SPAG16: variants seen among roughly 807,000 people sequenced by gnomAD.
SPAG16 encodes the protein sperm associated antigen 16, also known as sperm-associated antigen 16 protein.
A neutral mutation model predicts 80.4 loss-of-function variants in SPAG16; 86 were observed. The ratio of observed to expected loss-of-function variants is 1.07; its 90% confidence interval spans 0.90 to 1.28. SPAG16 has a LOEUF of 1.28. Among genes scored for constraint, SPAG16 ranks in the 50% most tolerant of loss-of-function variants. SPAG16 has a pLI of 0.00. For missense variants in SPAG16, 870 were observed against 765.3 expected (o/e 1.14, Z -1.61); for synonymous variants, 294 against 265.9 (o/e 1.11, Z -1.03).
chr2:213,669,683 C>T (rs2063745268), intron 10 of SPAG16, among the ~76,000 whole-genome samples: 2 of 152,168 alleles, frequency 1.3e-5, no homozygotes, highest in Admixed American at 6.5e-5. Context: ...GGAGTAAAAG[C>T]GCTTGGATTT....
At chr2:213,963,967 T>C (rs1427857233) in intron 12 of SPAG16, among the ~76,000 whole-genome samples, 1 of 152,160 alleles carries the variant, frequency 6.6e-6, no homozygotes, top group Non-Finnish European at 1.5e-5. Flanking sequence ...CTTGTTAATT[T>C]ATCCTTTCTG....
intron 9 of SPAG16, among the ~76,000 whole-genome samples, chr2:213,459,051 T>C (rs959596146): frequency 1.1e-4 from 16 of 152,308 alleles, no homozygotes; most frequent in African/African-American, 3.6e-4. Flanking sequence ...CCAATTTACA[T>C]TTTTGAAGAA....
At chr2:213,818,164 TAGC>T (rs772664384) in intron 10 of SPAG16, among the ~76,000 whole-genome samples, 3 of 152,084 alleles carry the variant, frequency 2.0e-5, no homozygotes, top group Non-Finnish European at 2.9e-5. Flanking sequence ...CTCATCAAAT[TAGC>T]AGGAAAGTTT....
intron 10 of SPAG16, among the ~76,000 whole-genome samples, chr2:213,709,320 A>G (rs1163448087): frequency 6.6e-6 from 1 of 152,178 alleles, no homozygotes; most frequent in Non-Finnish European, 1.5e-5. Context: ...CCTTTCTATA[A>G]TGTTTACATA....
chr2:214,013,940 T>C lies in SPAG16; in HGVS notation c.1401-11T>C. The C allele has an allele frequency of 6.2e-7, 1 of 1,611,886 alleles. No homozygotes were observed. Among genetic ancestry groups the C allele is most frequent in the Non-Finnish European group, 8.5e-7 (1 of 1,178,820 alleles). On this transcript the variant is annotated splice_polypyrimidine_tract_variant and intron_variant, in intron 12 of 15. Coordinates refer to ENST00000331683, the MANE Select transcript of SPAG16 (RefSeq NM_024532.5). ...ACTAACTCCTAAAATTCTTAATTTC[T>C]CTCTTTATAGTGAAAGATGCAGATG...
intron 5 of SPAG16, among the ~76,000 whole-genome samples, chr2:213,325,482 C>T (rs2063803027): frequency 1.3e-5 from 2 of 152,106 alleles, no homozygotes; most frequent in African/African-American, 2.4e-5. Flanking sequence ...CTTTAAGTCT[C>T]ATTTAATTTC....
intron 13 of SPAG16, among the ~76,000 whole-genome samples, chr2:214,065,756 C>T (rs1222261222): frequency 6.6e-6 from 1 of 152,024 alleles, no homozygotes; most frequent in African/African-American, 2.4e-5. Context: ...AAATAAGAAG[C>T]CCTCTCTGTA....
chr2:213,793,979 G>T (rs930725342), intron 10 of SPAG16, among the ~76,000 whole-genome samples: 1 of 152,036 alleles, frequency 6.6e-6, no homozygotes, highest in Non-Finnish European at 1.5e-5. Flanking sequence ...ATTTAACCAC[G>T]TCTTTTGTTC....
intron 10 of SPAG16, among the ~76,000 whole-genome samples, chr2:213,698,155 A>T (rs1165054537): frequency 1.3e-5 from 2 of 152,078 alleles, no homozygotes; most frequent in Non-Finnish European, 2.9e-5. Flanking sequence ...CACATTTTTA[A>T]AAAATTACAT....
In SPAG16 at chr2:213,930,030, ATT is replaced by A. The variant is rs2078678337; in HGVS notation, c.1288_1289del (p.Leu430AspfsTer3). 6.2e-7 allele frequency: 1 copy of A among 1,614,142 alleles called. No homozygotes were observed. Among genetic ancestry groups the A allele is most frequent in the Admixed American group, 1.7e-5 (1 of 60,018 alleles). On this transcript the variant is annotated frameshift_variant, in exon 12 of 16. Transcript: ENST00000331683. LOFTEE classifies it high-confidence loss of function. ...KLWDLCKGDCILTFEGHSRAV... is the reference protein window; with the variant it reads ...KLWDLCKGDCXLTFEGHSRAV... ...ATGGGATCTATGTAAAGGCGATTGC[ATT>A]TTGACCTTTGAAGGACACAGCCGCG...
At chr2:213,707,469 C>T (rs1371648805) in intron 10 of SPAG16, among the ~76,000 whole-genome samples, 2 of 152,134 alleles carry the variant, frequency 1.3e-5, no homozygotes, top group Non-Finnish European at 2.9e-5. Context: ...ATGGATTAGT[C>T]ACTTGGTTTT....
chr2:214,032,512 G>A (rs1176123458), intron 13 of SPAG16, among the ~76,000 whole-genome samples: 1 of 152,202 alleles, frequency 6.6e-6, no homozygotes, highest in Non-Finnish European at 1.5e-5. Context: ...ACAATTGCCT[G>A]TATGAATAAC....
chr2:213,456,569 G>A (rs1336024615), intron 9 of SPAG16, among the ~76,000 whole-genome samples: 1 of 151,994 alleles, frequency 6.6e-6, no homozygotes, highest in Non-Finnish European at 1.5e-5. Context: ...TAGGTATTTT[G>A]TAATTTATTT....
intron 3 of SPAG16, among the ~76,000 whole-genome samples, chr2:213,305,754 T>C (rs2062915608): frequency 6.6e-6 from 1 of 152,154 alleles, no homozygotes; most frequent in Non-Finnish European, 1.5e-5. Context: ...TTGAATTAAA[T>C]TGGCTAATAC....
chr2:213,449,254 T>G (rs1462692478), intron 9 of SPAG16, among the ~76,000 whole-genome samples: 1 of 152,114 alleles, frequency 6.6e-6, no homozygotes, highest in East Asian at 1.9e-4. Flanking sequence ...GAACCCTGTT[T>G]TCTGTTGTTT....
intron 10 of SPAG16, among the ~76,000 whole-genome samples, chr2:213,574,266 T>C (rs1030789089): frequency 9.2e-5 from 14 of 152,180 alleles, no homozygotes; most frequent in African/African-American, 3.4e-4. Context: ...TTTGCCCCAT[T>C]ACTTTCCATG....
intron 10 of SPAG16, among the ~76,000 whole-genome samples, chr2:213,752,109 T>A (rs2068103619): frequency 6.6e-6 from 1 of 152,198 alleles, no homozygotes; most frequent in Admixed American, 6.5e-5. Flanking sequence ...GTTATTTTGG[T>A]GGTTACTTCA....
chr2:214,238,770 G>T (rs2125820697), intron 15 of SPAG16: 1 of 151,694 alleles, frequency 6.6e-6, no homozygotes, highest in Middle Eastern at 3.4e-3. Flanking sequence ...CATAAGCATA[G>T]CTACTTAAAT....
chr2:213,446,143 G>C (rs2071296275), intron 9 of SPAG16, among the ~76,000 whole-genome samples: 1 of 152,176 alleles, frequency 6.6e-6, no homozygotes, highest in Non-Finnish European at 1.5e-5. Flanking sequence ...AGCCCACACA[G>C]ATACATAAGA....
Sources: allele counts gnomAD v4.1 joint callset (sites outside exome capture counted in the v4.1 genomes callset), GRCh38; gene constraint gnomAD v4.1.1; transcripts MANE v1.5; gene names NCBI Gene and HGNC (gene_info 2026-07-23, HGNC 2026-07-21).